Variants in CAPN11 observed in about 807,000 individuals in gnomAD.
CAPN11 encodes the protein calpain-11.
In CAPN11, 108 loss-of-function variants were observed where a neutral mutation model predicts 105.3. That is an observed-to-expected ratio of 1.03 (90% confidence interval 0.88 to 1.20). The LOEUF is 1.20. CAPN11 is among the 50% of genes most tolerant of loss of function. The probability of loss-of-function intolerance (pLI) is 0.00; values close to 1 mark genes in which losing one functional copy is unlikely to be tolerated. For missense variants in CAPN11, 883 were observed against 924.8 expected, an observed-to-expected ratio of 0.95 and a Z score of 0.59; for synonymous variants, 329 against 344.5, an observed-to-expected ratio of 0.96 and a Z score of 0.50.
chr6:44,172,996 G>C lies in CAPN11; in HGVS notation c.585G>C (p.Lys195Asn), dbSNP rs1187942061. The change falls in exon 6 of 23, where the codon AAG becomes AAC. Residue 195 changes from lysine to asparagine, a missense_variant. By Grantham distance (94) the Lys-to-Asn change is moderately conservative. Coordinates refer to ENST00000398776, the MANE Select transcript of CAPN11 (RefSeq NM_007058.4). ...NVVVDDRLPT[K>N]NDKLVFVHST... ...TGGTAGATGACCGGCTGCCCACAAAGAATGACAAGCTGGTGTTTGTGCACT... is the reference window on the plus strand; with the variant it reads ...TGGTAGATGACCGGCTGCCCACAAACAATGACAAGCTGGTGTTTGTGCACT... The C allele has an allele frequency of 1.9e-6, 3 of 1,613,110 alleles. No individual in the cohort carries two copies. Among genetic ancestry groups the C allele is most frequent in the East Asian group, 2.2e-5 (1 of 44,894 alleles).
intron 19 of CAPN11, among the ~76,000 whole-genome samples, chr6:44,182,405 T>C (rs1773924369): frequency 6.6e-6 from 1 of 152,172 alleles, no homozygotes; most frequent in Non-Finnish European, 1.5e-5. Context: ...ATAACAAGTA[T>C]AGCTCAGGTA....
At chr6:44,164,869 TTTATG>T (rs1028600409) in intron 1 of CAPN11, among the ~76,000 whole-genome samples, 2 of 151,780 alleles carry the variant, frequency 1.3e-5, no homozygotes, top group African/African-American at 4.9e-5. Context: ...TGCATTTTAT[TTTATG>T]TTATGTTTTA....
In CAPN11 at chr6:44,177,325, G is replaced by A. The variant is rs752512014; in HGVS notation, c.1321G>A (p.Val441Ile). The A allele has an allele frequency of 2.7e-5, 44 of 1,613,828 alleles. No individual in the cohort carries two copies. Among genetic ancestry groups the A allele is most frequent in the Non-Finnish European group, 3.5e-5 (41 of 1,179,870 alleles). Reference protein sequence around the residue: ...PEDDAEGNVVVCTCLVALMQK... With the variant: ...PEDDAEGNVVICTCLVALMQK... Reference sequence around the variant, plus strand: ...GGATGACGCAGAGGGCAATGTTGTGGTCTGCACCTGCCTGGTGGCCCTAAT... The same window carrying A: ...GGATGACGCAGAGGGCAATGTTGTGATCTGCACCTGCCTGGTGGCCCTAAT... The change falls in exon 12 of 23, where the codon GTC (valine) becomes ATC (isoleucine). Residue 441 changes from valine to isoleucine, a missense_variant. Transcript: ENST00000398776.
intron 1 of CAPN11, among the ~76,000 whole-genome samples, chr6:44,159,675 C>G (rs914024459): frequency 4.6e-5 from 7 of 151,986 alleles, no homozygotes; most frequent in Non-Finnish European, 7.4e-5. Context: ...GTCAGCATAG[C>G]AAGACCTCAT....
Position 44,180,836 on chromosome 6 carries a change from C to G in CAPN11, c.1804+31C>G, listed in dbSNP as rs576541889. The G allele has an allele frequency of 1.5e-5, 24 of 1,611,266 alleles. No homozygotes were observed. In the South Asian group the frequency reaches 2.5e-4, roughly 17 times the overall value. ...TCTTCCACTCCTGCTGCACACGACC[C>G]CTCCCCCATATTTTGTGCCCCTCTT... On this transcript the variant is annotated intron_variant, in intron 17 of 22. Coordinates refer to ENST00000398776, the MANE Select transcript of CAPN11 (RefSeq NM_007058.4).
At chr6:44,172,530 G>T in intron 5 of CAPN11, 110 bp downstream of exon 5, 1 of 668,640 alleles carries the variant, frequency 1.5e-6, no homozygotes, top group Non-Finnish European at 2.5e-6. Context: ...TATTAGGGTG[G>T]GTTTTGGACT....
intron 1 of CAPN11, among the ~76,000 whole-genome samples, chr6:44,162,093 G>A (rs373372348): frequency 9.2e-5 from 14 of 151,854 alleles, no homozygotes; most frequent in African/African-American, 2.4e-4. Context: ...GCCTCTAGAC[G>A]TTGCCACCTG....
rs764826984 is a variant in CAPN11 at position 44,176,632 on chromosome 6, C to G, written c.1053C>G (p.His351Gln). The change falls in exon 10 of 23, where the codon CAC (histidine) becomes CAG (glutamine). Residue 351 changes from histidine (H) to glutamine (Q), a missense_variant. Coordinates refer to ENST00000398776, the MANE Select transcript of CAPN11 (RefSeq NM_007058.4). ...VASDIQMQLL[H>Q]KTEDGEFWMS... is the part of the protein sequence containing the mutation. ...CAGACATCCAGATGCAGCTGCTGCA[C>G]AAGACGGAGGACGGGGAGTTCTGGT... 2 of 1,607,200 alleles carry G rather than the reference C, an allele frequency of 1.2e-6. No individual in the cohort carries two copies. Among genetic ancestry groups the G allele is most frequent in the Non-Finnish European group, 1.7e-6 (2 of 1,175,958 alleles).
chr6:44,160,640 A>G (rs1187410678), intron 1 of CAPN11, among the ~76,000 whole-genome samples: 1 of 152,090 alleles, frequency 6.6e-6, no homozygotes, highest in South Asian at 2.1e-4. Context: ...AAAAACAACA[A>G]CAACAACAAC....
At chr6:44,167,497 C>CAAAAAAAAAAAAA (rs61107654) in intron 2 of CAPN11, among the ~76,000 whole-genome samples, 1 of 27,072 alleles carries the variant, frequency 3.7e-5, no homozygotes, top group Non-Finnish European at 7.6e-5. Flanking sequence ...GACTCCATCT[C>CAAAAAAAAAAAAA]AAAAAAAAAA....
intron 2 of CAPN11, among the ~76,000 whole-genome samples, chr6:44,167,497 CA>C (rs61107654): frequency 0.042 from 1,136 of 27,042 alleles, 8 homozygotes; most frequent in South Asian, 0.11. Context: ...GACTCCATCT[CA>C]AAAAAAAAAA....
chr6:44,167,434 G>T (rs914547842), intron 2 of CAPN11, among the ~76,000 whole-genome samples: 3 of 142,072 alleles, frequency 2.1e-5, no homozygotes, highest in Non-Finnish European at 4.5e-5. Flanking sequence ...GGAGGCAGAG[G>T]TTGCAGTGAG....
At chr6:44,173,937 C>T (rs1771493654) in intron 7 of CAPN11, among the ~76,000 whole-genome samples, 2 of 152,122 alleles carry the variant, frequency 1.3e-5, no homozygotes, top group South Asian at 4.1e-4. Flanking sequence ...TTTATTGTGA[C>T]CTGAAATTAT....
Position 44,166,132 on chromosome 6 carries a change from G to A in CAPN11, c.17-626G>A, listed in dbSNP as rs1054071728. On this transcript the variant is annotated intron_variant, in intron 1 of 22. Coordinates refer to ENST00000398776, the MANE Select transcript of CAPN11 (RefSeq NM_007058.4). ...CTGAGGAAATCCCAAGGAGGTACTC[G>A]TGTGGAACAGGAGAAGGGGTTTGCT... Among the ~76,000 whole-genome samples the A allele has an allele frequency of 3.3e-5, 5 of 152,270 alleles. No homozygotes were observed. The East Asian group carries it at 5.8e-4, about 18-fold the overall frequency.
intron 14 of CAPN11, 95 bp downstream of exon 14, chr6:44,180,258 T>C: frequency 9.8e-7 from 1 of 1,020,600 alleles, no homozygotes; most frequent in Non-Finnish European, 1.5e-6. Context: ...CCTCACTTTG[T>C]CCCTATTTTA....
At chr6:44,181,587 CTCACATACAG>C in intron 19 of CAPN11, among the ~76,000 whole-genome samples, 2 of 45,656 alleles carry the variant, frequency 4.4e-5, no homozygotes, top group Non-Finnish European at 4.5e-5. Flanking sequence ...CACATACACA[CTCACATACAG>C]ACACAACCAC....
Position 44,183,952 on chromosome 6 carries a change from T to C in CAPN11, c.*20T>C. The C allele has an allele frequency of 6.4e-7, 1 of 1,552,772 alleles. No homozygotes were observed. Among genetic ancestry groups the C allele is most frequent in the Admixed American group, 2.0e-5 (1 of 51,192 alleles). ...GGATAGAGGCGCTGTAGGAGCCTGG[T>C]CATCTCTACCAGCAGCAGCAGCAGC... On this transcript the variant is annotated 3_prime_UTR_variant, in exon 23 of 23. Coordinates refer to ENST00000398776, the MANE Select transcript of CAPN11 (RefSeq NM_007058.4).
chr6:44,179,377 T>G (rs926863107), intron 12 of CAPN11, among the ~76,000 whole-genome samples: 2 of 151,446 alleles, frequency 1.3e-5, no homozygotes, highest in African/African-American at 2.4e-5. Context: ...CGTGACTCAC[T>G]GCAGCCTTGA....
In CAPN11 at chr6:44,176,351, A is replaced by C. The variant is rs1461436421; in HGVS notation, c.1001+13A>C. 6.2e-7 allele frequency: 1 copy of C among 1,610,368 alleles called. No individual in the cohort carries two copies. The highest frequency in any genetic ancestry group is 8.5e-7 in the Non-Finnish European group (1 of 1,176,850). On this transcript the variant is annotated intron_variant, in intron 9 of 22. Coordinates refer to ENST00000398776, the MANE Select transcript of CAPN11 (RefSeq NM_007058.4). ...CTTGGAGTGACAGGTAGGTGTCCCC[A>C]ACCCAGGTGAGGGGTGGTCGGAGGA...
Sources: allele counts gnomAD v4.1 joint callset (sites outside exome capture counted in the v4.1 genomes callset), GRCh38; gene constraint gnomAD v4.1.1; transcripts MANE v1.5; gene names NCBI Gene and HGNC (gene_info 2026-07-23, HGNC 2026-07-21).